The following RNF212B variants were observed in gnomAD, a reference collection of about 807,000 sequenced individuals.
RNF212B encodes the protein E3 ubiquitin-protein ligase RNF212B.
In RNF212B, 52 loss-of-function variants were observed where a neutral mutation model predicts 55.5. The ratio of observed to expected loss-of-function variants is 0.94; its 90% confidence interval spans 0.75 to 1.18. The LOEUF (loss-of-function observed/expected upper bound fraction) is 1.18, where lower values mean the gene tolerates loss of function less well. RNF212B is among the 50% of genes most tolerant of loss of function. The pLI is 0.00. For synonymous variants in RNF212B, 99 were observed against 121.4 expected, an observed-to-expected ratio of 0.82 and a Z score of 1.21; for missense variants, 289 against 350.4, an observed-to-expected ratio of 0.82 and a Z score of 1.40.
At chr14:23,229,591 A>T (rs1594904136) in intron 2 of RNF212B, among the ~76,000 whole-genome samples, 5 of 152,182 alleles carry the variant, frequency 3.3e-5, no homozygotes, top group Admixed American at 3.3e-4. Flanking sequence ...CCACATGTGA[A>T]ATGATATTTC....
In RNF212B at chr14:23,259,882, A is replaced by G; in HGVS notation, c.345-2A>G. 1 of 1,503,408 alleles carries G rather than the reference A, an allele frequency of 6.7e-7. No homozygotes were observed. 93.1% of individuals were successfully genotyped at this position (1,503,408 alleles called of 1,614,324 possible). ...AGCTGATTGTTTCCATCTTTTGCCT[A>G]GAGAATTGTCAGTCTTAAGGAAGGA... is the stretch of plus-strand genomic sequence containing the variant. On this transcript the variant is annotated splice_acceptor_variant, in intron 5 of 14. Transcript: ENST00000430154. LOFTEE classifies it high-confidence loss of function.
intron 4 of RNF212B, among the ~76,000 whole-genome samples, chr14:23,249,348 C>A (rs1306546628): frequency 6.6e-6 from 1 of 152,118 alleles, no homozygotes; most frequent in Non-Finnish European, 1.5e-5. Context: ...GGGTTTGAGA[C>A]TAGCTTGGGC....
At position 23,260,654 on chromosome 14, in the gene RNF212B, T is replaced by C; in HGVS notation, c.406-5T>C. On this transcript the variant is annotated splice_polypyrimidine_tract_variant and splice_region_variant and intron_variant, in intron 6 of 14. Coordinates refer to ENST00000430154, the MANE Select transcript of RNF212B (RefSeq NM_001282322.3). ...TTTCTTCACTCCTGGTTTTTTCACC[T>C]ATAGGAATCTCCAAGTCGGTACCAA... 1 of 1,550,468 alleles carries C rather than the reference T, an allele frequency of 6.4e-7. No individual in the cohort carries two copies. Among genetic ancestry groups the C allele is most frequent in the Non-Finnish European group, 8.7e-7 (1 of 1,146,906 alleles).
chr14:23,226,888 CG>C (rs1039042835), intron 2 of RNF212B, among the ~76,000 whole-genome samples: 1 of 150,354 alleles, frequency 6.7e-6, no homozygotes, highest in African/African-American at 2.5e-5. Flanking sequence ...AGTAATCCTC[CG>C]GGTTTGGCCT....
At chr14:23,254,543 A>G (rs1044178808) in intron 4 of RNF212B, among the ~76,000 whole-genome samples, 1 of 152,128 alleles carries the variant, frequency 6.6e-6, no homozygotes, top group African/African-American at 2.4e-5. Flanking sequence ...TTTCCAAAGC[A>G]TATATTACTT....
At chr14:23,223,981 T>C (rs1594897018) in intron 2 of RNF212B, among the ~76,000 whole-genome samples, 1 of 152,290 alleles carries the variant, frequency 6.6e-6, no homozygotes, top group South Asian at 2.1e-4. Flanking sequence ...AAAGTAATCT[T>C]ATTTACAACA....
At position 23,269,938 on chromosome 14, in the gene RNF212B, A is replaced by C; in HGVS notation, c.750A>C (p.Arg250Ser). The C allele has an allele frequency of 6.5e-7, 1 of 1,546,354 alleles. No individual in the cohort carries two copies. Among genetic ancestry groups the C allele is most frequent in the South Asian group, 1.2e-5 (1 of 83,958 alleles). The change falls in exon 13 of 15, where the codon AGA becomes AGC. Residue 250 changes from arginine (R) to serine (S), a missense_variant. Transcript: ENST00000430154. ...CAAATGGGCATTCAGGCCACACAAG[A>C]GTCCTCACCCCCAACAATTTTGGTA... The part of the protein sequence containing the change: ...PSPNGHSGHT[R>S]VLTPNNFAQR...
At chr14:23,262,859 C>A in intron 8 of RNF212B, 69 bp from the exon 9 acceptor site, 1 of 1,488,468 alleles carries the variant, frequency 6.7e-7, no homozygotes, top group Non-Finnish European at 9.2e-7. Context: ...CCATGTACAA[C>A]AAATTGGCCA....
chr14:23,271,065 A>G (rs1327886379), intron 14 of RNF212B, among the ~76,000 whole-genome samples: 2 of 152,192 alleles, frequency 1.3e-5, no homozygotes, highest in East Asian at 3.8e-4. Context: ...TATTTTATAA[A>G]TTTATGGGAC....
At position 23,219,210 on chromosome 14, in the gene RNF212B, A is replaced by C. The variant is rs567766067; in HGVS notation, c.-1-21135A>C. The stretch of plus-strand genomic sequence containing the variant: ...GCTAAATGGAGTTCTTCAATCTGAA[A>C]GAAAAAGATGCTAATGAGCAAGAAG... On this transcript the variant is annotated intron_variant, in intron 2 of 15. Transcript: ENST00000399910. 6.6e-4 allele frequency among the ~76,000 whole-genome samples: 100 copies of C among 152,340 alleles called. 4 individuals carry two copies. In the South Asian group the frequency reaches 0.021, roughly 32 times the overall value.
At chr14:23,265,180 T>C (rs1186500698) in intron 11 of RNF212B, among the ~76,000 whole-genome samples, 2 of 152,166 alleles carry the variant, frequency 1.3e-5, no homozygotes, top group Non-Finnish European at 2.9e-5. Context: ...AAATAAAGAT[T>C]TGAGTGATAG....
intron 1 of RNF212B, among the ~76,000 whole-genome samples, chr14:23,186,731 A>G (rs372835968): frequency 6.6e-6 from 1 of 152,152 alleles, no homozygotes; most frequent in South Asian, 2.1e-4. Flanking sequence ...TTTCCTCCTC[A>G]TGTAGTATCT....
In RNF212B at chr14:23,256,332, T is replaced by A. The variant is rs1884832489; in HGVS notation, c.229-2217T>A. Among the ~76,000 whole-genome samples, 4 of 151,958 alleles carry A rather than the reference T, an allele frequency of 2.6e-5. No homozygotes were observed. In the South Asian group the frequency reaches 8.3e-4, roughly 32 times the overall value. Reference sequence around the variant, plus strand: ...CTACCCCCCTGCCATTTTAGGTAATTCCCAGGATTCAGAGTGACTTTTATT... The same window carrying A: ...CTACCCCCCTGCCATTTTAGGTAATACCCAGGATTCAGAGTGACTTTTATT... On this transcript the variant is annotated intron_variant, in intron 4 of 14. Coordinates refer to ENST00000430154, the MANE Select transcript of RNF212B (RefSeq NM_001282322.3).
chr14:23,219,482 T>C (rs1188342465), intron 2 of RNF212B, among the ~76,000 whole-genome samples: 1 of 151,816 alleles, frequency 6.6e-6, no homozygotes, highest in East Asian at 1.9e-4. Context: ...TTCTAGTTTT[T>C]TTTTTTTTTG....
chr14:23,248,069 T>C (rs946519758), intron 4 of RNF212B, among the ~76,000 whole-genome samples: 1 of 152,088 alleles, frequency 6.6e-6, no homozygotes, highest in Non-Finnish European at 1.5e-5. Context: ...TCTTGCTGCA[T>C]CCTCACATGG....
intron 4 of RNF212B, among the ~76,000 whole-genome samples, chr14:23,255,054 AG>A (rs1226034550): frequency 6.6e-6 from 1 of 152,226 alleles, no homozygotes; most frequent in African/African-American, 2.4e-5. Context: ...CAGGAGAGAG[AG>A]AGGTAATAGC....
chr14:23,222,895 A>G (rs1201941112), intron 2 of RNF212B, among the ~76,000 whole-genome samples: 4 of 152,024 alleles, frequency 2.6e-5, no homozygotes, highest in African/African-American at 9.7e-5. Flanking sequence ...TCTACTAAAA[A>G]TACAAAAAAT....
rs987472447 is a variant in RNF212B at position 23,246,257 on chromosome 14, C to T, written c.228+1861C>T. ...TCAAGCGATTCTCCTGGGGGCAGGGCAATTTCAATCTTACTCATCTTATAT... is the reference window on the plus strand; with the variant it reads ...TCAAGCGATTCTCCTGGGGGCAGGGTAATTTCAATCTTACTCATCTTATAT... On this transcript the variant is annotated intron_variant, in intron 4 of 14. Transcript: ENST00000430154. 2.0e-5 allele frequency among the ~76,000 whole-genome samples: 3 copies of T among 151,956 alleles called. No individual in the cohort carries two copies. The East Asian group carries it at 5.8e-4, about 29-fold the overall frequency.
intron 4 of RNF212B, among the ~76,000 whole-genome samples, chr14:23,250,688 G>C (rs2140453873): frequency 6.6e-6 from 1 of 152,282 alleles, no homozygotes; most frequent in East Asian, 1.9e-4. Flanking sequence ...ATTTTGCCAA[G>C]ATTGAGGACA....
Sources: gnomAD v4.1 joint callset for allele counts (sites outside exome capture counted in the v4.1 genomes callset) on GRCh38, gnomAD v4.1.1 for gene constraint, MANE v1.5 for transcripts, NCBI Gene and HGNC (gene_info 2026-07-23, HGNC 2026-07-21) for gene names.